The following NKAIN2 variants were observed in gnomAD, a reference collection of about 807,000 sequenced individuals.
The protein encoded by NKAIN2 is sodium/potassium-transporting ATPase subunit beta-1-interacting protein 2.
In NKAIN2, 14 loss-of-function variants were observed where a neutral mutation model predicts 32.6. The observed-to-expected ratio is 0.43, with a 90% CI of 0.28 to 0.67. NKAIN2 has a LOEUF of 0.67. NKAIN2 is among the 30% of genes least tolerant of loss of function. The probability of loss-of-function intolerance (pLI) is 0.17; values close to 1 mark genes in which losing one functional copy is unlikely to be tolerated. For synonymous variants in NKAIN2, 80 were observed against 87.2 expected (o/e 0.92, Z 0.46); for missense variants, 198 against 258.3 (o/e 0.77, Z 1.60).
intron 1 of NKAIN2, among the ~76,000 whole-genome samples, chr6:124,121,064 G>A (rs950225968): frequency 2.6e-5 from 4 of 152,052 alleles, no homozygotes; most frequent in Non-Finnish European, 5.9e-5. Flanking sequence ...AAGCTAAACC[G>A]AATGTTCCTG....
intron 5 of NKAIN2, among the ~76,000 whole-genome samples, chr6:124,808,930 G>A (rs149465159): frequency 0.016 from 2,449 of 152,252 alleles, 41 homozygotes; most frequent in African/African-American, 0.042. Flanking sequence ...TACAAGGGAC[G>A]TGAAGGACCT....
At chr6:124,367,665 G>A (rs1335052278) in intron 3 of NKAIN2, among the ~76,000 whole-genome samples, 1 of 152,088 alleles carries the variant, frequency 6.6e-6, no homozygotes, top group Non-Finnish European at 1.5e-5. Context: ...CATATTTTGA[G>A]TTGTAAGGAT....
rs933863097 is a variant in NKAIN2 at position 124,584,874 on chromosome 6, A to C, written c.274-73312A>C. Among the ~76,000 whole-genome samples the C allele has an allele frequency of 2.0e-5, 3 of 152,182 alleles. No individual in the cohort carries two copies. The South Asian group carries it at 6.2e-4, about 31-fold the overall frequency. On this transcript the variant is annotated intron_variant, in intron 3 of 6. Transcript: ENST00000368417. ...ATTGTTGGGAATATAAATTCATACCATCACTATGGAGAACAGTTTGGAAGT... is the reference window on the plus strand; with the variant it reads ...ATTGTTGGGAATATAAATTCATACCCTCACTATGGAGAACAGTTTGGAAGT...
At chr6:123,974,884 G>A (rs1027352648) in intron 1 of NKAIN2, among the ~76,000 whole-genome samples, 14 of 152,200 alleles carry the variant, frequency 9.2e-5, no homozygotes, top group South Asian at 6.2e-4. Flanking sequence ...CAGAGAGTGC[G>A]TCCTGCAGTA....
chr6:123,932,061 G>A (rs1255301044), intron 1 of NKAIN2, among the ~76,000 whole-genome samples: 5 of 152,116 alleles, frequency 3.3e-5, no homozygotes, highest in Non-Finnish European at 5.9e-5. Flanking sequence ...TCTTAAATGC[G>A]TTATCTTCCA....
intron 3 of NKAIN2, among the ~76,000 whole-genome samples, chr6:124,472,935 A>G (rs1777035123): frequency 6.6e-6 from 1 of 152,052 alleles, no homozygotes; most frequent in Non-Finnish European, 1.5e-5. Context: ...TATGTGGTAA[A>G]TTGGGAGAGT....
At chr6:124,567,533 G>A (rs780806841) in intron 3 of NKAIN2, among the ~76,000 whole-genome samples, 25 of 152,106 alleles carry the variant, frequency 1.6e-4, no homozygotes, top group Admixed American at 1.1e-3. Context: ...TTCTCTCAGC[G>A]TTTCTAACAC....
intron 1 of NKAIN2, among the ~76,000 whole-genome samples, chr6:123,954,772 T>C (rs1386088077): frequency 6.6e-6 from 1 of 152,136 alleles, no homozygotes; most frequent in Non-Finnish European, 1.5e-5. Flanking sequence ...TGTTTATTGT[T>C]GGGTATCACA....
chr6:123,841,971 T>C (rs2114936584), intron 1 of NKAIN2, among the ~76,000 whole-genome samples: 1 of 152,278 alleles, frequency 6.6e-6, no homozygotes, highest in Admixed American at 6.5e-5. Context: ...ACTAAACTGT[T>C]GGATACTGTT....
chr6:124,442,610 G>C (rs59731101), intron 3 of NKAIN2, among the ~76,000 whole-genome samples: 1,975 of 152,158 alleles, frequency 0.013, 38 homozygotes, highest in African/African-American at 0.045. Context: ...TGTTACATTA[G>C]ATTGTTACTG....
At chr6:124,796,620 G>T (rs916730048) in intron 5 of NKAIN2, among the ~76,000 whole-genome samples, 1 of 152,074 alleles carries the variant, frequency 6.6e-6, no homozygotes, top group South Asian at 2.1e-4. Flanking sequence ...AGGAATTCCC[G>T]CTCAAGATCT....
At chr6:123,934,837 C>A (rs1165478577) in intron 1 of NKAIN2, among the ~76,000 whole-genome samples, 1 of 151,630 alleles carries the variant, frequency 6.6e-6, no homozygotes, top group Non-Finnish European at 1.5e-5. Context: ...AAATGTGATG[C>A]CTTAGCTGTG....
intron 3 of NKAIN2, among the ~76,000 whole-genome samples, chr6:124,479,612 A>G (rs940496291): frequency 2.0e-5 from 3 of 152,200 alleles, no homozygotes; most frequent in Non-Finnish European, 4.4e-5. Flanking sequence ...TTATTGAATC[A>G]TTTGTTGGCT....
chr6:124,232,884 C>A (rs1237009113), intron 1 of NKAIN2, among the ~76,000 whole-genome samples: 8 of 151,988 alleles, frequency 5.3e-5, no homozygotes, highest in Admixed American at 4.6e-4. Flanking sequence ...CCATATAAAC[C>A]CCCCAACCTT....
At chr6:124,676,824 CT>C (rs541362429) in intron 4 of NKAIN2, among the ~76,000 whole-genome samples, 85 of 152,240 alleles carry the variant, frequency 5.6e-4, no homozygotes, top group African/African-American at 1.9e-3. Flanking sequence ...CACCCCTACA[CT>C]TTTTTGGTTA....
intron 1 of NKAIN2, among the ~76,000 whole-genome samples, chr6:123,813,734 C>T (rs1342359022): frequency 6.6e-6 from 1 of 152,068 alleles, no homozygotes; most frequent in Non-Finnish European, 1.5e-5. Flanking sequence ...ATTGCTTGAA[C>T]CTGGGAGGCA....
chr6:124,174,877 A>C (rs981747618), intron 1 of NKAIN2, among the ~76,000 whole-genome samples: 3 of 152,166 alleles, frequency 2.0e-5, no homozygotes, highest in East Asian at 1.9e-4. Flanking sequence ...TGACTTATAT[A>C]TCTCTGAAAG....
chr6:124,221,271 T>C (rs556865948), intron 1 of NKAIN2, among the ~76,000 whole-genome samples: 26 of 151,614 alleles, frequency 1.7e-4, no homozygotes, highest in African/African-American at 4.9e-4. Context: ...ATGGATGAAA[T>C]TGGAAATCAT....
chr6:124,608,218 T>C (rs1199627629), intron 3 of NKAIN2, among the ~76,000 whole-genome samples: 2 of 152,144 alleles, frequency 1.3e-5, no homozygotes, highest in African/African-American at 4.8e-5. Context: ...CCCATGTTGT[T>C]TGTTTTTCTT....
Sources: gnomAD v4.1 joint callset for allele counts (sites outside exome capture counted in the v4.1 genomes callset) on GRCh38, gnomAD v4.1.1 for gene constraint, MANE v1.5 for transcripts, NCBI Gene and HGNC (gene_info 2026-07-23, HGNC 2026-07-21) for gene names.